The following UTRN variants were observed in gnomAD, a reference collection of about 807,000 sequenced individuals.
UTRN encodes utrophin.
A neutral mutation model predicts 463.9 loss-of-function variants in UTRN; 283 were observed. The observed-to-expected ratio is 0.61, with a 90% CI of 0.55 to 0.67. The LOEUF is 0.67. Among genes scored for constraint, UTRN ranks in the 30% least tolerant of loss-of-function variants. The pLI is 0.00. For synonymous variants in UTRN, 1,442 were observed against 1,431.5 expected (o/e 1.01, Z -0.17); for missense variants, 3,922 against 4,084.3 (o/e 0.96, Z 1.08).
intron 1 of UTRN, 119 bp from the exon 2 acceptor site, chr6:144,291,618 G>T: frequency 2.6e-6 from 1 of 379,254 alleles, no homozygotes. Flanking sequence ...TGCCTGGCTT[G>T]GTGCTTTACA....
At chr6:144,848,623 T>C (rs1208217929) in intron 74 of UTRN, among the ~76,000 whole-genome samples, 1 of 152,116 alleles carries the variant, frequency 6.6e-6, no homozygotes, top group Non-Finnish European at 1.5e-5. Flanking sequence ...TGAATGATAC[T>C]GAAATTAGAG....
chr6:144,651,985 A>G (rs926532600), intron 51 of UTRN, among the ~76,000 whole-genome samples: 1 of 152,092 alleles, frequency 6.6e-6, no homozygotes. Context: ...CTTTCCCCTG[A>G]GTCCCCATTG....
intron 2 of UTRN, among the ~76,000 whole-genome samples, chr6:144,317,744 G>A (rs1367517385): frequency 6.6e-6 from 1 of 152,194 alleles, no homozygotes; most frequent in Non-Finnish European, 1.5e-5. Context: ...ATAGAGATTA[G>A]TACCTTCTCT....
intron 54 of UTRN, among the ~76,000 whole-genome samples, chr6:144,738,896 G>GA (rs1451431004): frequency 6.6e-6 from 1 of 152,060 alleles, no homozygotes; most frequent in African/African-American, 2.4e-5. Context: ...AATAATCATA[G>GA]AAAAACCCAG....
At chr6:144,816,178 G>T (rs1370218931) in intron 65 of UTRN, among the ~76,000 whole-genome samples, 2 of 152,190 alleles carry the variant, frequency 1.3e-5, no homozygotes, top group East Asian at 1.9e-4. Flanking sequence ...AACTCTGCAG[G>T]TCAAATTGCC....
At chr6:144,516,985 C>G (rs752656386) in intron 39 of UTRN, 37 bp downstream of exon 39, 2 of 1,390,122 alleles carry the variant, frequency 1.4e-6, no homozygotes, top group Non-Finnish European at 1.9e-6. Context: ...CATTTAAATA[C>G]CTTACTTAAC....
intron 51 of UTRN, among the ~76,000 whole-genome samples, chr6:144,657,347 C>T (rs890626358): frequency 2.0e-5 from 3 of 150,726 alleles, no homozygotes; most frequent in South Asian, 4.2e-4. Context: ...AGGGAGTTTT[C>T]GGTAAGTGTC....
At chr6:144,826,695 A>G (rs1233333921) in intron 66 of UTRN, among the ~76,000 whole-genome samples, 2 of 152,010 alleles carry the variant, frequency 1.3e-5, no homozygotes, top group African/African-American at 2.4e-5. Flanking sequence ...CTTCTAAAAA[A>G]CTTTTTTTTG....
At chr6:144,817,948 AGTT>A (rs1276879929) in intron 65 of UTRN, among the ~76,000 whole-genome samples, 3 of 152,154 alleles carry the variant, frequency 2.0e-5, no homozygotes, top group Non-Finnish European at 4.4e-5. Context: ...GACAGCAAGT[AGTT>A]GTTTGTTATT....
Position 144,680,056 on chromosome 6 carries a change from T to C in UTRN, c.7652+1478T>C, listed in dbSNP as rs112237754. On this transcript the variant is annotated intron_variant, in intron 52 of 74. Coordinates refer to ENST00000367545, the MANE Select transcript of UTRN (RefSeq NM_007124.3). ...CCATCAGGTTGCAACTTTCCATTCC[T>C]CATAAATATGAACAAAAATATTTAA... Among the ~76,000 whole-genome samples, 1,346 of 152,280 alleles carry C rather than the reference T, an allele frequency of 8.8e-3. 13 individuals are homozygous for C. Among genetic ancestry groups the C allele is most frequent in the African/African-American group, 0.03 (1,267 of 41,566 alleles).
intron 9 of UTRN, among the ~76,000 whole-genome samples, chr6:144,430,379 G>A (rs1177801694): frequency 6.6e-6 from 1 of 151,936 alleles, no homozygotes; most frequent in Non-Finnish European, 1.5e-5. Context: ...TTCTGTTTTA[G>A]TCTAGCCAGT....
At chr6:144,455,208 C>A (rs1428129303) in intron 19 of UTRN, among the ~76,000 whole-genome samples, 1 of 151,922 alleles carries the variant, frequency 6.6e-6, no homozygotes, top group African/African-American at 2.4e-5. Flanking sequence ...ATTATCAATC[C>A]ATTTATTATT....
chr6:144,746,545 C>T (rs887552071), intron 54 of UTRN, among the ~76,000 whole-genome samples: 23 of 152,118 alleles, frequency 1.5e-4, no homozygotes, highest in African/African-American at 3.4e-4. Flanking sequence ...GGCACTGTGT[C>T]GGCTCACTGC....
intron 58 of UTRN, among the ~76,000 whole-genome samples, chr6:144,758,683 T>G (rs781429043): frequency 6.6e-6 from 1 of 152,152 alleles, no homozygotes; most frequent in Non-Finnish European, 1.5e-5. Context: ...TAGGGCTATA[T>G]ATTGTCATGG....
chr6:144,820,441 G>A (rs535389666), intron 65 of UTRN, among the ~76,000 whole-genome samples: 8 of 151,266 alleles, frequency 5.3e-5, no homozygotes, highest in Non-Finnish European at 1.0e-4. Context: ...AGCCAGCATC[G>A]GCTCTATGAC....
intron 65 of UTRN, among the ~76,000 whole-genome samples, chr6:144,816,208 A>G (rs1779062538): frequency 6.6e-6 from 1 of 152,220 alleles, no homozygotes; most frequent in African/African-American, 2.4e-5. Context: ...CAACAGACAA[A>G]CTGTAGGGAA....
intron 2 of UTRN, among the ~76,000 whole-genome samples, chr6:144,304,551 G>A (rs1384403753): frequency 2.0e-5 from 3 of 152,160 alleles, no homozygotes; most frequent in African/African-American, 7.2e-5. Flanking sequence ...TGACATCCCA[G>A]GGCTTCAAGG....
rs1033915626 is a variant in UTRN at position 144,839,980 on chromosome 6, G to A, written c.10177+696G>A. On this transcript the variant is annotated intron_variant, in intron 72 of 74. Transcript: ENST00000367545. ...TAGCTGGATGCAGTGGCTCCCGCCT[G>A]TAATCCCAGCTCTTTGGGAGGCCAT... is the stretch of plus-strand genomic sequence containing the variant. Among the ~76,000 whole-genome samples, 19 of 152,160 alleles carry A rather than the reference G, an allele frequency of 1.2e-4. 1 individual carries two copies. The South Asian group carries it at 3.5e-3, about 28-fold the overall frequency.
intron 51 of UTRN, among the ~76,000 whole-genome samples, chr6:144,650,277 A>T (rs1778673060): frequency 6.6e-6 from 1 of 152,204 alleles, no homozygotes; most frequent in Non-Finnish European, 1.5e-5. Context: ...CTACAGTTCA[A>T]GTTGACATTT....
Sources: allele counts gnomAD v4.1 joint callset (sites outside exome capture counted in the v4.1 genomes callset), GRCh38; gene constraint gnomAD v4.1.1; transcripts MANE v1.5; gene names NCBI Gene and HGNC (gene_info 2026-07-23, HGNC 2026-07-21).